Variants in WASF1 observed in about 807,000 individuals in gnomAD.
WASF1 encodes actin-binding protein WASF1.
WASF1 carries 7 observed loss-of-function variants against 50.5 expected under a neutral mutation model. The ratio of observed to expected loss-of-function variants is 0.14; its 90% confidence interval spans 0.08 to 0.26. The LOEUF is 0.26. Ranked by LOEUF, WASF1 falls within the 10% of genes least tolerant of loss-of-function variation. The pLI is 1.00. For missense variants in WASF1, 470 were observed against 694.7 expected, an observed-to-expected ratio of 0.68 and a Z score of 3.64; for synonymous variants, 205 against 244.0, an observed-to-expected ratio of 0.84 and a Z score of 1.49.
rs1184036896 is a variant in WASF1, at chr6:110,100,222, A to T, written c.*300T>A. On this transcript the variant is annotated 3_prime_UTR_variant, in exon 11 of 11. Transcript: ENST00000392589. The stretch of plus-strand genomic sequence containing the variant: ...TAAATTAAAATTCACAAAGTACACA[A>T]TTAAGATATATCAAAAAACTGAATC... The T allele has an allele frequency of 4.5e-6, 1 of 220,682 alleles. No individual in the cohort carries two copies. Among genetic ancestry groups the T allele is most frequent in the African/African-American group, 2.3e-5 (1 of 43,448 alleles). The allele number at this position is 220,682 out of a possible 1,614,324, so 13.7% of individuals were successfully genotyped here. A position where few individuals can be genotyped will look rare whatever the true frequency, so the allele number is the denominator to read the frequency against.
chr6:110,124,247 T>TC (rs1562170342), intron 4 of WASF1, among the ~76,000 whole-genome samples: 1 of 43,764 alleles, frequency 2.3e-5, no homozygotes, highest in African/African-American at 1.1e-4. Flanking sequence ...TCTCTCTCTC[T>TC]CTCTCTCTCT....
At chr6:110,161,337 C>G (rs1776254633) in intron 2 of WASF1, among the ~76,000 whole-genome samples, 1 of 151,540 alleles carries the variant, frequency 6.6e-6, no homozygotes. Flanking sequence ...GAGGAACTAA[C>G]TAGTCTAAAG....
chr6:110,140,289 C>T (rs1214950709), intron 3 of WASF1, among the ~76,000 whole-genome samples: 1 of 152,214 alleles, frequency 6.6e-6, no homozygotes, highest in East Asian at 1.9e-4. Context: ...CCTGGAAAGG[C>T]ATGGATGCTC....
intron 3 of WASF1, among the ~76,000 whole-genome samples, chr6:110,130,141 CCT>C (rs1774596805): frequency 6.6e-6 from 1 of 152,132 alleles, no homozygotes; most frequent in Non-Finnish European, 1.5e-5. Flanking sequence ...AAATTTGTTT[CCT>C]CTGACCTATT....
intron 2 of WASF1, among the ~76,000 whole-genome samples, chr6:110,175,329 G>GA (rs1277570288): frequency 5.9e-5 from 9 of 152,040 alleles, no homozygotes; most frequent in African/African-American, 2.2e-4. Flanking sequence ...ACAGTGCTGG[G>GA]AGTTTATTTT....
chr6:110,124,916 A>T (rs1185564652), intron 4 of WASF1, among the ~76,000 whole-genome samples: 1 of 152,210 alleles, frequency 6.6e-6, no homozygotes, highest in Non-Finnish European at 1.5e-5. Context: ...TTTCAAAAAA[A>T]TAAAAAAAGG....
chr6:110,162,239 TAG>T (rs1776288254), intron 2 of WASF1, among the ~76,000 whole-genome samples: 1 of 151,534 alleles, frequency 6.6e-6, no homozygotes, highest in East Asian at 1.9e-4. Context: ...TACTGTTTGG[TAG>T]ACTCTTCTGA....
intron 2 of WASF1, among the ~76,000 whole-genome samples, chr6:110,175,398 A>C (rs1462893933): frequency 1.3e-5 from 2 of 152,102 alleles, no homozygotes; most frequent in Non-Finnish European, 2.9e-5. Flanking sequence ...GAGACTAAAA[A>C]ATCTTGCTTC....
intron 2 of WASF1, among the ~76,000 whole-genome samples, chr6:110,166,302 C>CTGAACTCTTT (rs1776474966): frequency 1.3e-5 from 2 of 151,570 alleles, no homozygotes; most frequent in South Asian, 4.2e-4. Flanking sequence ...CAAAATATTT[C>CTGAACTCTTT]TGAACTCTTT....
At chr6:110,125,059 T>A (rs1015468948) in intron 4 of WASF1, among the ~76,000 whole-genome samples, 1 of 152,226 alleles carries the variant, frequency 6.6e-6, no homozygotes. Flanking sequence ...AAAATCTCCA[T>A]TATCTAGAAA....
chr6:110,167,095 T>C (rs1459671976), intron 2 of WASF1, among the ~76,000 whole-genome samples: 1 of 151,736 alleles, frequency 6.6e-6, no homozygotes, highest in Non-Finnish European at 1.5e-5. Context: ...GTGTTAGCCA[T>C]CATACACAAT....
chr6:110,154,884 T>G (rs1184729329), intron 3 of WASF1, among the ~76,000 whole-genome samples: 1 of 152,138 alleles, frequency 6.6e-6, no homozygotes, highest in African/African-American at 2.4e-5. Flanking sequence ...CTGGATCTTA[T>G]GTAAAGTTGT....
At chr6:110,108,706 T>C (rs1773432180) in intron 5 of WASF1, 25 bp from the exon 6 acceptor site, 1 of 1,591,076 alleles carries the variant, frequency 6.3e-7, no homozygotes, top group African/African-American at 1.4e-5. Context: ...AAGAATTCAT[T>C]TTATTTTATT....
At chr6:110,132,998 TA>T (rs1475461933) in intron 3 of WASF1, among the ~76,000 whole-genome samples, 1 of 137,200 alleles carries the variant, frequency 7.3e-6, no homozygotes, top group African/African-American at 2.8e-5. Context: ...CATGGAATAC[TA>T]CACAGCCATA....
rs777059449 is a variant in WASF1, at chr6:110,101,672, G to T, written c.1438C>A (p.Pro480Thr). The T allele has an allele frequency of 6.2e-7, 1 of 1,613,998 alleles. No homozygotes were observed. The highest frequency in any genetic ancestry group is 1.3e-5 in the African/African-American group (1 of 74,924). The change falls in exon 10 of 11, where the codon CCT (proline) becomes ACT (threonine). Residue 480 changes from proline to threonine, a missense_variant. By Grantham distance (38) the Pro-to-Thr change is conservative (BLOSUM62 -1). Transcript: ENST00000392589. The stretch of plus-strand genomic sequence containing the variant: ...GGATGGCGCTTTGGCTCAGAAGCAG[G>T]TATAACTTGTGATGGAGGAGATGGA... ...MPPSPPSQVIPASEPKRHPST... is the reference protein window; with the variant it reads ...MPPSPPSQVITASEPKRHPST...
At chr6:110,160,298 A>G (rs899857660) in intron 3 of WASF1, among the ~76,000 whole-genome samples, 1 of 151,872 alleles carries the variant, frequency 6.6e-6, no homozygotes, top group African/African-American at 2.4e-5. Context: ...GAGCACTTAT[A>G]ATTTACCACT....
intron 3 of WASF1, among the ~76,000 whole-genome samples, chr6:110,135,443 T>C (rs2114536632): frequency 6.6e-6 from 1 of 152,280 alleles, no homozygotes; most frequent in Non-Finnish European, 1.5e-5. Context: ...CTATCAAATG[T>C]TTTTCCTACA....
At chr6:110,124,258 CTCTCTCTCTCTCTCTCTA>C (rs1774301666) in intron 4 of WASF1, among the ~76,000 whole-genome samples, 1 of 57,534 alleles carries the variant, frequency 1.7e-5, no homozygotes, top group African/African-American at 8.7e-5. Context: ...CTCTCTCTCT[CTCTCTCTCTCTCTCTCTA>C]TATATATATA....
At chr6:110,169,883 T>G (rs943684285) in intron 2 of WASF1, among the ~76,000 whole-genome samples, 3 of 152,018 alleles carry the variant, frequency 2.0e-5, no homozygotes, top group Non-Finnish European at 4.4e-5. Context: ...GTTTCCAAAA[T>G]TAAGAAACCA....
Sources: allele counts gnomAD v4.1 joint callset (sites outside exome capture counted in the v4.1 genomes callset), GRCh38; gene constraint gnomAD v4.1.1; transcripts MANE v1.5; gene names NCBI Gene and HGNC (gene_info 2026-07-23, HGNC 2026-07-21).